The following TECTA variants were observed in gnomAD, a reference collection of about 807,000 sequenced individuals.
TECTA encodes tectorin alpha.
A neutral mutation model predicts 216.8 loss-of-function variants in TECTA; 128 were observed. The ratio of observed to expected loss-of-function variants is 0.59; its 90% CI spans 0.51 to 0.68. The LOEUF is 0.68. Among genes scored for constraint, TECTA ranks in the 30% least tolerant of loss-of-function variants. TECTA has a pLI of 0.00. For synonymous variants in TECTA, 1,089 were observed against 1,117.1 expected (o/e 0.97, Z 0.50); for missense variants, 2,551 against 2,786.2 (o/e 0.92, Z 1.90).
chr11:121,186,862 C>G (rs1947293508), intron 20 of TECTA, among the ~76,000 whole-genome samples: 1 of 152,210 alleles, frequency 6.6e-6, no homozygotes, highest in African/African-American at 2.4e-5. Context: ...CTCCTATGGG[C>G]CAGCCTTGGC....
chr11:121,141,728 G>T (rs1261669856), intron 11 of TECTA, among the ~76,000 whole-genome samples: 1 of 152,206 alleles, frequency 6.6e-6, no homozygotes, highest in Non-Finnish European at 1.5e-5. Flanking sequence ...TCAGAGAAGA[G>T]TAGGGTTTTG....
intron 20 of TECTA, among the ~76,000 whole-genome samples, chr11:121,182,670 C>T (rs534826837): frequency 6.6e-6 from 1 of 152,132 alleles, no homozygotes; most frequent in South Asian, 2.1e-4. Context: ...TACATGCAGC[C>T]ATCGGTGTTA....
At chr11:121,102,961 G>A (rs1277292919) in intron 2 of TECTA, among the ~76,000 whole-genome samples, 1 of 152,162 alleles carries the variant, frequency 6.6e-6, no homozygotes, top group Non-Finnish European at 1.5e-5. Flanking sequence ...GTATGTACCA[G>A]CTTGCCCTGT....
intron 20 of TECTA, among the ~76,000 whole-genome samples, chr11:121,177,558 G>C (rs1420542791): frequency 6.6e-6 from 1 of 152,150 alleles, no homozygotes; most frequent in Admixed American, 6.5e-5. Flanking sequence ...AGGAGTACCC[G>C]GCCGTGTGAG....
At chr11:121,126,706 A>C (rs1377642693) in intron 8 of TECTA, among the ~76,000 whole-genome samples, 9 of 152,214 alleles carry the variant, frequency 5.9e-5, no homozygotes, top group Admixed American at 5.9e-4. Flanking sequence ...TCTTCCCATC[A>C]GTATAAGTTG....
intron 3 of TECTA, among the ~76,000 whole-genome samples, chr11:121,107,203 G>C (rs1373842805): frequency 6.6e-6 from 1 of 152,160 alleles, no homozygotes; most frequent in African/African-American, 2.4e-5. Context: ...ACCTGATTTT[G>C]GCAATAAGGC....
chr11:121,113,410 ACCTAGAATGCTGG>A lies in TECTA; in HGVS notation c.625-140_625-128del. The A allele has an allele frequency of 7.0e-7, 1 of 1,421,258 alleles. No homozygotes were observed. Among genetic ancestry groups the A allele is most frequent in the Non-Finnish European group, 9.9e-7 (1 of 1,015,200 alleles). 88.0% of individuals were successfully genotyped at this position (1,421,258 alleles called of 1,614,324 possible). A position where few individuals can be genotyped will look rare whatever the true frequency, so the allele number is the denominator to read the frequency against. ...GAAATGAACTAGGCAGTCCTTTCTCACCTAGAATGCTGGCCCCAGTGACTCCAGGAAAAGACGG... is the reference window on the plus strand; with the variant it reads ...GAAATGAACTAGGCAGTCCTTTCTCACCCCAGTGACTCCAGGAAAAGACGG... On this transcript the variant is annotated intron_variant, in intron 5 of 23. Transcript: ENST00000392793. This position sits in a 1 kb window ranked among gnomAD's most constrained non-coding sequence, Gnocchi z 4.2.
rs1946463697 is a variant in TECTA, at chr11:121,113,414, A to G, written c.625-139A>G. On this transcript the variant is annotated intron_variant, in intron 5 of 23. Transcript: ENST00000392793. This position sits in a 1 kb window ranked among gnomAD's most constrained non-coding sequence, Gnocchi z 4.2. ...TGAACTAGGCAGTCCTTTCTCACCT[A>G]GAATGCTGGCCCCAGTGACTCCAGG... 3 of 1,432,870 alleles carry G rather than the reference A, an allele frequency of 2.1e-6. No homozygotes were observed. The highest frequency in any genetic ancestry group is 2.9e-6 in the Non-Finnish European group (3 of 1,024,492). The allele number at this position is 1,432,870 out of a possible 1,614,324, so 88.8% of individuals were successfully genotyped here. A position where few individuals can be genotyped will look rare whatever the true frequency, so the allele number is the denominator to read the frequency against.
intron 3 of TECTA, among the ~76,000 whole-genome samples, chr11:121,108,396 A>G (rs1331083645): frequency 1.3e-5 from 2 of 150,858 alleles, no homozygotes; most frequent in African/African-American, 4.9e-5. Context: ...ATACACACAC[A>G]TACACACCAT....
At chr11:121,188,451 C>T (rs1211174061) in intron 21 of TECTA, among the ~76,000 whole-genome samples, 1 of 152,218 alleles carries the variant, frequency 6.6e-6, no homozygotes. Context: ...CTAATGACCA[C>T]TGGGCCAAGT....
chr11:121,101,992 C>T (rs564836448), intron 1 of TECTA, among the ~76,000 whole-genome samples: 17 of 152,138 alleles, frequency 1.1e-4, no homozygotes, highest in Admixed American at 2.6e-4. Flanking sequence ...GTTGCTTGTG[C>T]GCTGGATTCT....
intron 20 of TECTA, among the ~76,000 whole-genome samples, chr11:121,170,854 C>A (rs1488083233): frequency 7.2e-5 from 11 of 152,046 alleles, no homozygotes; most frequent in Admixed American, 6.6e-4. Flanking sequence ...GAATAGTTTG[C>A]AAATATTTTC....
chr11:121,165,651 T>C (rs1240313148), intron 17 of TECTA, among the ~76,000 whole-genome samples: 2 of 152,222 alleles, frequency 1.3e-5, no homozygotes, highest in African/African-American at 2.4e-5. Context: ...TCCAAATTGA[T>C]CTTTTAGATG....
chr11:121,177,414 G>A (rs1396964199), intron 20 of TECTA, among the ~76,000 whole-genome samples: 1 of 152,204 alleles, frequency 6.6e-6, no homozygotes, highest in East Asian at 1.9e-4. Flanking sequence ...TCAGCTGCAG[G>A]TCTATTGGAG....
intron 13 of TECTA, among the ~76,000 whole-genome samples, chr11:121,153,408 A>C (rs1172336862): frequency 6.6e-6 from 1 of 152,142 alleles, no homozygotes; most frequent in Non-Finnish European, 1.5e-5. Context: ...TGTGAATCTC[A>C]GTTTGAAAGC....
In TECTA at chr11:121,127,626, C is replaced by T. The variant is rs1946625545; in HGVS notation, c.1775-126C>T. 2.8e-6 allele frequency: 3 copies of T among 1,057,288 alleles called. No individual in the cohort carries two copies. The highest frequency in any genetic ancestry group is 3.5e-5 in the Admixed American group (2 of 57,248). The allele number at this position is 1,057,288 out of a possible 1,614,324, so 65.5% of individuals were successfully genotyped here. ...ACAGATACAACCTCAATTCTGTCTTCCCCGAGTGGCCGCTTGACCCTCACT... is the reference window on the plus strand; with the variant it reads ...ACAGATACAACCTCAATTCTGTCTTTCCCGAGTGGCCGCTTGACCCTCACT... On this transcript the variant is annotated intron_variant, in intron 8 of 23. Transcript: ENST00000392793. This position sits in a 1 kb window ranked among gnomAD's most constrained non-coding sequence, Gnocchi z 5.0.
rs772337482 is a variant in TECTA, at chr11:121,145,889, G to A, written c.3878G>A (p.Gly1293Asp). 6.2e-7 allele frequency: 1 copy of A among 1,614,242 alleles called. No individual in the cohort carries two copies. Among genetic ancestry groups the A allele is most frequent in the South Asian group, 1.1e-5 (1 of 91,092 alleles). The change falls in exon 12 of 24, where the codon GGT (glycine) becomes GAT (aspartate). Residue 1293 changes from glycine (G) to aspartate (D), a missense_variant. Physicochemically the swap from Gly to Asp is moderately conservative, Grantham distance 94 (BLOSUM62 -1). Coordinates refer to ENST00000392793, the MANE Select transcript of TECTA (RefSeq NM_005422.4). ...TGTCCGTCCTGTGCCAAGGTGGAAG[G>A]TTTCTCCAAAGTGCAGCAGCTGTGC... ...DRCPSCAKVE[G>D]FSKVQQLCSL...
chr11:121,116,507 G>A (rs866913802), intron 6 of TECTA, among the ~76,000 whole-genome samples: 10 of 152,314 alleles, frequency 6.6e-5, no homozygotes, highest in Middle Eastern at 6.8e-3. Context: ...TGCCAGCTGT[G>A]TACACAGTCT....
At position 121,136,714 on chromosome 11, in the gene TECTA, C is replaced by T. The variant is rs1046418830; in HGVS notation, c.2942-707C>T. Among the ~76,000 whole-genome samples the T allele has an allele frequency of 7.2e-5, 11 of 152,156 alleles. 1 individual carries two copies. On this transcript the variant is annotated intron_variant, in intron 10 of 23. Transcript: ENST00000392793. Reference sequence around the variant, plus strand: ...CCCAAAGTTAAGTTAGCAGCATCCACAGGTCTCTGTGGTCCCAAAACATAC... The same window carrying T: ...CCCAAAGTTAAGTTAGCAGCATCCATAGGTCTCTGTGGTCCCAAAACATAC...
Sources: gnomAD v4.1 joint callset for allele counts (sites outside exome capture counted in the v4.1 genomes callset) on GRCh38, gnomAD v4.1.1 for gene constraint, Gnocchi (gnomAD v3.1) non-coding constraint, MANE v1.5 for transcripts, NCBI Gene and HGNC (gene_info 2026-07-23, HGNC 2026-07-21) for gene names.